LSMEM1: variants seen among roughly 807,000 people sequenced by gnomAD.
LSMEM1 encodes the protein leucine-rich single-pass membrane protein 1.
Under a neutral mutation model 11.3 loss-of-function variants are expected in LSMEM1, and 10 were observed. The observed-to-expected ratio is 0.89, with a 90% CI of 0.55 to 1.50. The LOEUF (loss-of-function observed/expected upper bound fraction) is 1.50. Ranked by LOEUF, LSMEM1 falls within the 40% of genes most tolerant of loss-of-function variation. LSMEM1 has a pLI of 0.00. For missense variants in LSMEM1, 151 were observed against 152.9 expected (o/e 0.99, Z 0.06); for synonymous variants, 65 against 59.3 (o/e 1.10, Z -0.44).
At position 112,481,035 on chromosome 7, in the gene LSMEM1, G is replaced by T; in HGVS notation, c.-317G>T. 1 of 351,830 alleles carries T rather than the reference G, an allele frequency of 2.8e-6. No homozygotes were observed. Among genetic ancestry groups the T allele is most frequent in the South Asian group, 2.2e-5 (1 of 46,322 alleles). 21.8% of individuals were successfully genotyped at this position (351,830 alleles called of 1,614,324 possible). ...CAGTTACCAACTAAATCAGGGCATGGTGTTTTTTTGTTGTTTTCTTTTTAA... is the reference window on the plus strand; with the variant it reads ...CAGTTACCAACTAAATCAGGGCATGTTGTTTTTTTGTTGTTTTCTTTTTAA... On this transcript the variant is annotated 5_prime_UTR_variant, in exon 1 of 4. Coordinates refer to ENST00000312849, the MANE Select transcript of LSMEM1 (RefSeq NM_182597.3).
Position 112,486,979 on chromosome 7 carries a change from C to G in LSMEM1, c.184C>G (p.Leu62Val), listed in dbSNP as rs1796143073. ...AAACTCAGGAAATGGAAGCCGGAGT[C>G]TGTTTTTTGTGGGGCTGCTAATTGT... The part of the protein sequence containing the change: ...GTNSGNGSRS[L>V]FFVGLLIVLI... The change falls in exon 3 of 4, where the codon CTG becomes GTG. Residue 62 changes from leucine (L) to valine (V), a missense_variant. Physicochemically the swap from Leu to Val is conservative, Grantham distance 32. Coordinates refer to ENST00000312849, the MANE Select transcript of LSMEM1 (RefSeq NM_182597.3). 3.1e-6 allele frequency: 5 copies of G among 1,614,036 alleles called. No homozygotes were observed. Among genetic ancestry groups the G allele is most frequent in the Admixed American group, 1.7e-5 (1 of 60,002 alleles).
rs1796214722 is a variant in LSMEM1 at position 112,490,447 on chromosome 7, C to A, written c.*498C>A. 1 of 152,608 alleles carries A rather than the reference C, an allele frequency of 6.6e-6. No individual in the cohort carries two copies. Among genetic ancestry groups the A allele is most frequent in the Non-Finnish European group, 1.5e-5 (1 of 68,350 alleles). 9.5% of individuals were successfully genotyped at this position (152,608 alleles called of 1,614,324 possible). A position where few individuals can be genotyped will look rare whatever the true frequency, so the allele number is the denominator to read the frequency against. ...CTGCTCAGGTGATTAGACTTTGACTCTATTTCCCCAGGGACAGTGATGGGT... is the reference window on the plus strand; with the variant it reads ...CTGCTCAGGTGATTAGACTTTGACTATATTTCCCCAGGGACAGTGATGGGT... On this transcript the variant is annotated 3_prime_UTR_variant, in exon 4 of 4. Coordinates refer to ENST00000312849, the MANE Select transcript of LSMEM1 (RefSeq NM_182597.3).
intron 2 of LSMEM1, chr7:112,486,506 G>A (rs530746121): frequency 5.3e-5 from 19 of 358,996 alleles, no homozygotes; most frequent in Non-Finnish European, 1.0e-4. Flanking sequence ...GCCGGGCGCC[G>A]TGGCTCACGC....
chr7:112,489,688 G>A (rs1796200483), intron 3 of LSMEM1, 122 bp from the exon 4 acceptor site: 4 of 1,117,888 alleles, frequency 3.6e-6, no homozygotes, highest in Non-Finnish European at 3.8e-6. Flanking sequence ...GCATGGATAT[G>A]GGAACAGGGG....
In LSMEM1 at chr7:112,490,075, C is replaced by T. The variant is rs2117377516; in HGVS notation, c.*126C>T. The T allele has an allele frequency of 3.7e-6, 4 of 1,067,378 alleles. No homozygotes were observed. Among genetic ancestry groups the T allele is most frequent in the Non-Finnish European group, 5.3e-6 (4 of 757,130 alleles). 66.1% of individuals were successfully genotyped at this position (1,067,378 alleles called of 1,614,324 possible). On this transcript the variant is annotated 3_prime_UTR_variant, in exon 4 of 4. Coordinates refer to ENST00000312849, the MANE Select transcript of LSMEM1 (RefSeq NM_182597.3). ...AGATGATCTGGTCAGGCAACCCACCCCTGGGGCCCACTTTCTGCAGCAAGA... is the reference window on the plus strand; with the variant it reads ...AGATGATCTGGTCAGGCAACCCACCTCTGGGGCCCACTTTCTGCAGCAAGA...
intron 1 of LSMEM1, among the ~76,000 whole-genome samples, chr7:112,482,777 T>A (rs1318160828): frequency 6.6e-6 from 1 of 152,220 alleles, no homozygotes; most frequent in Non-Finnish European, 1.5e-5. Flanking sequence ...TAATTTTTTT[T>A]AATTGTCATA....
At chr7:112,481,715 A>G (rs1212875926) in intron 1 of LSMEM1, among the ~76,000 whole-genome samples, 1 of 152,240 alleles carries the variant, frequency 6.6e-6, no homozygotes, top group African/African-American at 2.4e-5. Context: ...TGGAATATTT[A>G]TTTGTAAATA....
chr7:112,489,901 C>G lies in LSMEM1; in HGVS notation c.348C>G (p.Ile116Met). Residue 116 changes from isoleucine (I) to methionine (M), a missense_variant, in exon 4 of 4, where the codon ATC becomes ATG. By Grantham distance (10) the Ile-to-Met change is conservative. Transcript: ENST00000312849. ...IDDLKRINNM[I>M]VKRLNQLNQL... Reference sequence around the variant, plus strand: ...ATCTTAAGAGAATCAATAACATGATCGTAAAGCGACTCAACCAACTCAACC... The same window carrying G: ...ATCTTAAGAGAATCAATAACATGATGGTAAAGCGACTCAACCAACTCAACC... 1 of 1,614,060 alleles carries G rather than the reference C, an allele frequency of 6.2e-7. No homozygotes were observed. Among genetic ancestry groups the G allele is most frequent in the Non-Finnish European group, 8.5e-7 (1 of 1,179,976 alleles).
chr7:112,484,953 C>T lies in LSMEM1; in HGVS notation c.127+10C>T. 1.3e-6 allele frequency: 2 copies of T among 1,596,408 alleles called. No homozygotes were observed. Among genetic ancestry groups the T allele is most frequent in the South Asian group, 1.1e-5 (1 of 90,390 alleles). Reference sequence around the variant, plus strand: ...TCGCAGCATCTGTTCCGTATGTGTGCTGGGGAAGGCACAGCAGCCCTTCCT... The same window carrying T: ...TCGCAGCATCTGTTCCGTATGTGTGTTGGGGAAGGCACAGCAGCCCTTCCT... On this transcript the variant is annotated intron_variant, in intron 2 of 3. Coordinates refer to ENST00000312849, the MANE Select transcript of LSMEM1 (RefSeq NM_182597.3).
At position 112,481,321 on chromosome 7, in the gene LSMEM1, A is replaced by G. The variant is rs1796029885; in HGVS notation, c.-31A>G. ...TTTGTTTTGTTTTGTTTTTCTGGTA[A>G]CCTAGCAGTCAAAGCTCACATTTTT... On this transcript the variant is annotated 5_prime_UTR_variant, in exon 1 of 4. Transcript: ENST00000312849. 6.4e-6 allele frequency: 1 copy of G among 155,208 alleles called. No individual in the cohort carries two copies. Among genetic ancestry groups the G allele is most frequent in the Admixed American group, 6.5e-5 (1 of 15,498 alleles). 9.6% of individuals were successfully genotyped at this position (155,208 alleles called of 1,614,324 possible).
At chr7:112,484,443 G>GA (rs1796089747) in intron 1 of LSMEM1, among the ~76,000 whole-genome samples, 2 of 152,050 alleles carry the variant, frequency 1.3e-5, no homozygotes, top group African/African-American at 4.8e-5. Context: ...TGTAATAAAA[G>GA]AAAAATTTTA....
chr7:112,481,609 C>T (rs546996735), intron 1 of LSMEM1, among the ~76,000 whole-genome samples: 2 of 151,594 alleles, frequency 1.3e-5, no homozygotes, highest in South Asian at 2.1e-4. Context: ...GCAAGCAATA[C>T]TGGTGTGAGT....
chr7:112,482,354 GT>G (rs1197185453), intron 1 of LSMEM1, among the ~76,000 whole-genome samples: 1 of 152,154 alleles, frequency 6.6e-6, no homozygotes, highest in African/African-American at 2.4e-5. Flanking sequence ...CTTAAAGTCA[GT>G]TTTTGTGGCC....
chr7:112,484,483 G>A (rs1261870115), intron 1 of LSMEM1, among the ~76,000 whole-genome samples: 2 of 152,156 alleles, frequency 1.3e-5, no homozygotes, highest in African/African-American at 2.4e-5. Context: ...AACAGATCCA[G>A]GGAAAATATA....
In LSMEM1 at chr7:112,490,215, G is replaced by T; in HGVS notation, c.*266G>T. ...ACTTTAATGGGGTGGGCGGCTAGCA[G>T]GGAGGAGAATCAACAAAGCAAGAGA... On this transcript the variant is annotated 3_prime_UTR_variant, in exon 4 of 4. Transcript: ENST00000312849. 1 of 356,008 alleles carries T rather than the reference G, an allele frequency of 2.8e-6. No individual in the cohort carries two copies. The highest frequency in any genetic ancestry group is 5.1e-6 in the Non-Finnish European group (1 of 196,918). The allele number at this position is 356,008 out of a possible 1,614,324, so 22.1% of individuals were successfully genotyped here. A position where few individuals can be genotyped will look rare whatever the true frequency, so the allele number is the denominator to read the frequency against.
intron 2 of LSMEM1, chr7:112,486,044 A>G (rs1796121909): frequency 6.5e-6 from 1 of 153,566 alleles, no homozygotes; most frequent in Non-Finnish European, 1.5e-5. Flanking sequence ...ACTGCAAAGC[A>G]TTTAAAAGAA....
intron 3 of LSMEM1, among the ~76,000 whole-genome samples, chr7:112,487,295 A>G (rs527358694): frequency 2.3e-4 from 35 of 152,372 alleles, no homozygotes; most frequent in African/African-American, 7.9e-4. Flanking sequence ...ATAATTCTAT[A>G]GCACTTTAGT....
chr7:112,485,498 T>C (rs1372089020), intron 2 of LSMEM1, among the ~76,000 whole-genome samples: 6 of 152,204 alleles, frequency 3.9e-5, no homozygotes, highest in Non-Finnish European at 8.8e-5. Flanking sequence ...GTGCCATCTT[T>C]TCTAGCTTAA....
At chr7:112,486,805 CAGAGAG>C in intron 2 of LSMEM1, 112 bp from the exon 3 acceptor site, 3 of 1,390,242 alleles carry the variant, frequency 2.2e-6, no homozygotes, top group Non-Finnish European at 2.9e-6. Flanking sequence ...CTAGGCTTGT[CAGAGAG>C]AAAGTGGGTG....
Sources: gnomAD v4.1 joint callset for allele counts (sites outside exome capture counted in the v4.1 genomes callset) on GRCh38, gnomAD v4.1.1 for gene constraint, MANE v1.5 for transcripts, NCBI Gene and HGNC (gene_info 2026-07-23, HGNC 2026-07-21) for gene names.